The following FTO variants were observed in gnomAD, a reference collection of about 807,000 sequenced individuals.
The protein encoded by FTO is FTO alpha-ketoglutarate dependent dioxygenase, also known as alpha-ketoglutarate-dependent dioxygenase FTO.
A neutral mutation model predicts 63.9 loss-of-function variants in FTO; 47 were observed. The observed-to-expected ratio is 0.74, with a 90% CI of 0.58 to 0.94. The LOEUF (loss-of-function observed/expected upper bound fraction) is 0.94, where lower values mean the gene tolerates loss of function less well. FTO is among the 40% of genes least tolerant of loss of function. FTO has a pLI of 0.00. For missense variants in FTO, 562 were observed against 618.1 expected (o/e 0.91, Z 0.96); for synonymous variants, 207 against 224.4 (o/e 0.92, Z 0.69).
intron 1 of FTO, among the ~76,000 whole-genome samples, chr16:53,744,165 A>G (rs1350610451): frequency 2.0e-5 from 3 of 152,122 alleles, no homozygotes; most frequent in Non-Finnish European, 4.4e-5. Flanking sequence ...TGCAGCACCC[A>G]TTATCATAGA....
At chr16:53,825,828 A>G (rs1189361226) in intron 2 of FTO, 36 bp from the exon 3 acceptor site, 2 of 1,605,872 alleles carry the variant, frequency 1.2e-6, no homozygotes, top group East Asian at 2.2e-5. Context: ...TTGTAGCTAT[A>G]TATCAACGTC....
chr16:53,932,236 G>A (rs1370517678), intron 7 of FTO, among the ~76,000 whole-genome samples: 1 of 152,146 alleles, frequency 6.6e-6, no homozygotes, highest in Non-Finnish European at 1.5e-5. Context: ...CAGCACAGTA[G>A]ATGGAATACT....
At chr16:53,922,753 T>C (rs2082036985) in intron 7 of FTO, among the ~76,000 whole-genome samples, 1 of 152,230 alleles carries the variant, frequency 6.6e-6, no homozygotes, top group African/African-American at 2.4e-5. Flanking sequence ...TGGAGTGGAA[T>C]GTCACCCAGA....
At chr16:53,918,522 G>A (rs1016777216) in intron 7 of FTO, among the ~76,000 whole-genome samples, 5 of 152,158 alleles carry the variant, frequency 3.3e-5, no homozygotes, top group African/African-American at 9.7e-5. Context: ...TCTATTTAGC[G>A]AATCAGTATT....
chr16:53,758,558 G>A (rs956726558), intron 1 of FTO, among the ~76,000 whole-genome samples: 2 of 152,184 alleles, frequency 1.3e-5, no homozygotes, highest in Non-Finnish European at 2.9e-5. Context: ...GCTCTGTAGT[G>A]AGGCCCACCA....
At chr16:53,747,104 C>G (rs1017744527) in intron 1 of FTO, among the ~76,000 whole-genome samples, 18 of 152,304 alleles carry the variant, frequency 1.2e-4, no homozygotes, top group African/African-American at 4.3e-4. Context: ...GTCCATTCAT[C>G]TGTTGATGAA....
At position 53,959,647 on chromosome 16, in the gene FTO, G is replaced by T. The variant is rs567151802; in HGVS notation, c.1364+25538G>T. 1.2e-4 allele frequency among the ~76,000 whole-genome samples: 19 copies of T among 152,176 alleles called. 1 individual carries two copies. Among genetic ancestry groups the T allele is most frequent in the African/African-American group, 4.3e-4 (18 of 41,530 alleles). On this transcript the variant is annotated intron_variant, in intron 8 of 8. Coordinates refer to ENST00000471389, the MANE Select transcript of FTO (RefSeq NM_001080432.3). ...TTAATCCACACAACAACCATATGAGGTGTTAACTGTACTGTACAGCTCAGG... is the reference window on the plus strand; with the variant it reads ...TTAATCCACACAACAACCATATGAGTTGTTAACTGTACTGTACAGCTCAGG...
chr16:53,826,615 A>ACATG, intron 3 of FTO, 124 bp downstream of exon 3: 1 of 879,802 alleles, frequency 1.1e-6, no homozygotes, highest in Non-Finnish European at 1.9e-6. Context: ...GTGTACATGC[A>ACATG]CATGCGTGTG....
intron 1 of FTO, among the ~76,000 whole-genome samples, chr16:53,735,344 T>C (rs900933328): frequency 1.3e-5 from 2 of 152,182 alleles, no homozygotes; most frequent in African/African-American, 4.8e-5. Context: ...TCTGAACTCA[T>C]AGGGTTGATA....
chr16:54,079,837 C>A (rs1005523719), intron 8 of FTO, among the ~76,000 whole-genome samples: 1 of 152,140 alleles, frequency 6.6e-6, no homozygotes, highest in Non-Finnish European at 1.5e-5. Context: ...CAAGCAGAGT[C>A]AAAAATCTGG....
intron 8 of FTO, among the ~76,000 whole-genome samples, chr16:53,997,587 G>C (rs986314510): frequency 6.7e-5 from 10 of 149,480 alleles, no homozygotes; most frequent in Non-Finnish European, 8.8e-5. Flanking sequence ...GGGTGGGAGT[G>C]GGGGGGTGGT....
rs1315009071 is a variant in FTO, at chr16:54,054,940, TTC to T, written c.1365-56818_1365-56817del. Among the ~76,000 whole-genome samples the T allele has an allele frequency of 7.2e-5, 11 of 152,208 alleles. 1 individual carries two copies. The highest frequency in any genetic ancestry group is 7.2e-4 in the Admixed American group (11 of 15,288). On this transcript the variant is annotated intron_variant, in intron 8 of 8. Coordinates refer to ENST00000471389, the MANE Select transcript of FTO (RefSeq NM_001080432.3). ...ATCACCCCATTGATACAAGAGCTCA[TTC>T]TCTTTCTTTGACACTATACTGTGAA...
intron 8 of FTO, among the ~76,000 whole-genome samples, chr16:54,105,297 C>T (rs1385259538): frequency 6.6e-6 from 1 of 152,170 alleles, no homozygotes; most frequent in Non-Finnish European, 1.5e-5. Context: ...CTTCTAGAAA[C>T]TGGAGGTAAA....
In FTO at chr16:53,874,645, G is replaced by A. The variant is rs932337769; in HGVS notation, c.975+780G>A. 7.9e-5 allele frequency among the ~76,000 whole-genome samples: 12 copies of A among 152,164 alleles called. No individual in the cohort carries two copies. In the South Asian group the frequency reaches 1.9e-3, roughly 24 times the overall value. ...GCGGAAGTGGTACAACAAAGTGAGA[G>A]GTACAGGTGCAAGGTCTTCCAGTGG... On this transcript the variant is annotated intron_variant, in intron 5 of 8. Transcript: ENST00000471389.
chr16:54,000,723 A>G (rs2084045733), intron 8 of FTO, among the ~76,000 whole-genome samples: 1 of 152,212 alleles, frequency 6.6e-6, no homozygotes, highest in Admixed American at 6.5e-5. Context: ...GTCCATCGGT[A>G]TGTCTCAGAC....
chr16:53,814,409 A>T (rs1019096760), intron 2 of FTO, among the ~76,000 whole-genome samples: 2 of 152,168 alleles, frequency 1.3e-5, no homozygotes, highest in African/African-American at 4.8e-5. Context: ...TGCTACTTTA[A>T]GTGCATTACA....
chr16:54,089,238 A>G (rs1229171649), intron 8 of FTO, among the ~76,000 whole-genome samples: 1 of 152,258 alleles, frequency 6.6e-6, no homozygotes, highest in East Asian at 1.9e-4. Context: ...GTTTAATTAA[A>G]GATTCTAGAA....
chr16:53,938,996 G>C (rs948047272), intron 8 of FTO, among the ~76,000 whole-genome samples: 8 of 152,172 alleles, frequency 5.3e-5, no homozygotes, highest in Admixed American at 4.6e-4. Context: ...TACTCGGAAG[G>C]CTGAGGCAGG....
intron 8 of FTO, among the ~76,000 whole-genome samples, chr16:54,054,297 T>C (rs1346082271): frequency 1.3e-5 from 2 of 152,134 alleles, no homozygotes; most frequent in African/African-American, 2.4e-5. Flanking sequence ...TGATTACTAA[T>C]AGATCCTCAA....
Sources: gnomAD v4.1 joint callset for allele counts (sites outside exome capture counted in the v4.1 genomes callset) on GRCh38, gnomAD v4.1.1 for gene constraint, MANE v1.5 for transcripts, NCBI Gene and HGNC (gene_info 2026-07-23, HGNC 2026-07-21) for gene names.